The following MKI67 variants were observed in gnomAD, a reference collection of about 807,000 sequenced individuals.
The protein encoded by MKI67 is proliferation marker protein Ki-67.
MKI67 carries 152 observed loss-of-function variants against 233.5 expected under a neutral mutation model. The ratio of observed to expected loss-of-function variants is 0.65; its 90% confidence interval spans 0.57 to 0.74. The LOEUF (loss-of-function observed/expected upper bound fraction) is 0.74. Ranked by LOEUF, MKI67 falls within the 30% of genes least tolerant of loss-of-function variation. MKI67 has a pLI of 0.00. For synonymous variants in MKI67, 1,465 were observed against 1,418.5 expected, an observed-to-expected ratio of 1.03 and a Z score of -0.74; for missense variants, 3,940 against 3,885.2, an observed-to-expected ratio of 1.01 and a Z score of -0.37.
intron 4 of MKI67, among the ~76,000 whole-genome samples, chr10:128,120,083 T>C (rs1202865325): frequency 6.6e-6 from 1 of 151,606 alleles, no homozygotes; most frequent in African/African-American, 2.4e-5. Flanking sequence ...AGTCTCTCTT[T>C]CTAAGATTCA....
chr10:128,125,847 C>G lies in MKI67; in HGVS notation c.-89-91G>C, dbSNP rs867048962. The G allele has an allele frequency of 1.0e-4, 67 of 640,392 alleles. No individual in the cohort carries two copies. In the African/African-American group the frequency reaches 1.1e-3, roughly 10 times the overall value. 39.7% of individuals were successfully genotyped at this position (640,392 alleles called of 1,614,324 possible). A position where few individuals can be genotyped will look rare whatever the true frequency, so the allele number is the denominator to read the frequency against. On this transcript the variant is annotated intron_variant, in intron 1 of 14. Coordinates refer to ENST00000368654, the MANE Select transcript of MKI67 (RefSeq NM_002417.5). The surrounding 1 kb of genome is among the most constrained non-coding windows in gnomAD (Gnocchi z 5.3). The stretch of plus-strand genomic sequence containing the variant: ...CTATCCCCGGCCACAGAAGCGCACA[C>G]CGCAGCTAGCTAGCGGGGACCCCAG...
In MKI67 at chr10:128,121,529, A is replaced by ACATAT. The variant is rs1448363777; in HGVS notation, c.287+1351_287+1352insATATG. 2.4e-4 allele frequency among the ~76,000 whole-genome samples: 4 copies of ACATAT among 16,540 alleles called. No individual in the cohort carries two copies. The African/African-American group carries it at 4.1e-3, about 17-fold the overall frequency. The allele number at this position is 16,540 out of a possible 152,430, so 10.9% of individuals were successfully genotyped here. ...CATATAGTATATACTATATAATATT[A>ACATAT]TATATTATATTATAATTATATATGA... On this transcript the variant is annotated intron_variant, in intron 4 of 14. Transcript: ENST00000368654.
chr10:128,113,604 TA>T lies in MKI67; in HGVS notation c.1481-3del. On this transcript the variant is annotated splice_region_variant and splice_polypyrimidine_tract_variant and intron_variant, in intron 7 of 14. Coordinates refer to ENST00000368654, the MANE Select transcript of MKI67 (RefSeq NM_002417.5). ...TCAAAGGTATTCCCTCACTCTCATC[TA>T]AAGTAACGGATACAAATGTGGAAAG... The T allele has an allele frequency of 6.2e-7, 1 of 1,612,812 alleles. No individual in the cohort carries two copies. Among genetic ancestry groups the T allele is most frequent in the Non-Finnish European group, 8.5e-7 (1 of 1,178,966 alleles).
intron 14 of MKI67, among the ~76,000 whole-genome samples, chr10:128,099,767 A>C (rs1218507834): frequency 6.6e-6 from 1 of 152,186 alleles, no homozygotes; most frequent in East Asian, 1.9e-4. Flanking sequence ...TCTTACTGGA[A>C]AAAATCTATC....
chr10:128,121,445 A>G (rs2136150735), intron 4 of MKI67, among the ~76,000 whole-genome samples: 1 of 140,102 alleles, frequency 7.1e-6, no homozygotes, highest in African/African-American at 2.6e-5. Flanking sequence ...TATACTGTAT[A>G]CAGTATATAC....
At chr10:128,124,097 A>C (rs987692497) in intron 2 of MKI67, among the ~76,000 whole-genome samples, 13 of 152,238 alleles carry the variant, frequency 8.5e-5, no homozygotes, top group Non-Finnish European at 1.2e-4. Context: ...AAAATCTTGC[A>C]TGAAGATATA....
At chr10:128,100,749 T>C (rs974021765) in intron 14 of MKI67, among the ~76,000 whole-genome samples, 1 of 152,082 alleles carries the variant, frequency 6.6e-6, no homozygotes, top group Admixed American at 6.5e-5. Context: ...TGGAGGAGGG[T>C]TGGAGGGCAG....
Position 128,107,270 on chromosome 10 carries a change from A to ATTC in MKI67, c.4567_4569dup (p.Glu1523dup). 6.2e-7 allele frequency: 1 copy of ATTC among 1,613,804 alleles called. No homozygotes were observed. Among genetic ancestry groups the ATTC allele is most frequent in the Non-Finnish European group, 8.5e-7 (1 of 1,179,916 alleles). On this transcript the variant is annotated inframe_insertion, in exon 13 of 15. Coordinates refer to ENST00000368654, the MANE Select transcript of MKI67 (RefSeq NM_002417.5). ...GGTGTTCGTTTCCTGAGTGCGAAGA[A>ATTC]TTCTTCTTCTACGTCCACTTTCCTG...
At chr10:128,119,206 T>C (rs570658096) in intron 5 of MKI67, 47 bp downstream of exon 5, 5 of 1,319,112 alleles carry the variant, frequency 3.8e-6, no homozygotes, top group Non-Finnish European at 5.5e-6. Flanking sequence ...ATAAATGATT[T>C]CATATCATCG....
rs1218589936 is a variant in MKI67 at position 128,125,345 on chromosome 10, T to C, written c.92+231A>G. Among the ~76,000 whole-genome samples, 1 of 152,138 alleles carries C rather than the reference T, an allele frequency of 6.6e-6. No individual in the cohort carries two copies. The highest frequency in any genetic ancestry group is 2.4e-5 in the African/African-American group (1 of 41,430). ...CTTTACCGCAACATTAGCAAATCGA[T>C]TTTTTTAATTGGCTTGATTTTTAAA... is the stretch of plus-strand genomic sequence containing the variant. On this transcript the variant is annotated intron_variant, in intron 2 of 14. Transcript: ENST00000368654. The surrounding 1 kb of genome is among the most constrained non-coding windows in gnomAD (Gnocchi z 5.3).
Position 128,103,558 on chromosome 10 carries a change from T to A in MKI67, c.8282A>T (p.Lys2761Ile). The A allele has an allele frequency of 6.2e-7, 1 of 1,614,024 alleles. No homozygotes were observed. The highest frequency in any genetic ancestry group is 8.5e-7 in the Non-Finnish European group (1 of 1,179,974). ...AGATTCCTTCAATGCTTTGATGCCT[T>A]TATCTTCACCTGCTGGTTCTTTGTC... is the stretch of plus-strand genomic sequence containing the variant. ...DADKEPAGED[K>I]GIKALKESAK... Residue 2761 changes from lysine to isoleucine, a missense_variant, in exon 13 of 15, where the codon AAA becomes ATA. By Grantham distance (102) the Lys-to-Ile change is moderately radical (BLOSUM62 -3). Coordinates refer to ENST00000368654, the MANE Select transcript of MKI67 (RefSeq NM_002417.5).
chr10:128,107,829 C>T lies in MKI67; in HGVS notation c.4011G>A (p.Lys1337=). 1 of 1,613,400 alleles carries T rather than the reference C, an allele frequency of 6.2e-7. No individual in the cohort carries two copies. The highest frequency in any genetic ancestry group is 8.5e-7 in the Non-Finnish European group (1 of 1,179,906). ...GGTCTTCCAGAGCCTGGGCCTCTTC[C>T]TTAGGAGTTTGTGGCCGTCTCTTGC... The part of the protein sequence containing the change: ...TGSKRRPQTP[K]EEAQALEDLT... Residue 1337 remains lysine (K), a synonymous_variant, in exon 13 of 15, where the codon AAG becomes AAA. Coordinates refer to ENST00000368654, the MANE Select transcript of MKI67 (RefSeq NM_002417.5).
chr10:128,125,749 CT>C lies in MKI67; in HGVS notation c.-83del. On this transcript the variant is annotated 5_prime_UTR_variant, in exon 2 of 15. Transcript: ENST00000368654. The surrounding 1 kb of genome is among the most constrained non-coding windows in gnomAD (Gnocchi z 5.3). ...GGGAAGGCCAGAAGCAAATTTACAA[CT>C]CTTCCACTGCAAAAGAGGTGCGAGT... 8.6e-7 allele frequency: 1 copy of C among 1,162,090 alleles called. No homozygotes were observed. The highest frequency in any genetic ancestry group is 1.3e-6 in the Non-Finnish European group (1 of 770,050). 72.0% of individuals were successfully genotyped at this position (1,162,090 alleles called of 1,614,324 possible). A position where few individuals can be genotyped will look rare whatever the true frequency, so the allele number is the denominator to read the frequency against.
Position 128,107,438 on chromosome 10 carries a change from C to G in MKI67, c.4402G>C (p.Ala1468Pro), listed in dbSNP as rs1328170633. The G allele has an allele frequency of 1.9e-6, 3 of 1,613,944 alleles. No individual in the cohort carries two copies. Among genetic ancestry groups the G allele is most frequent in the African/African-American group, 1.3e-5 (1 of 74,944 alleles). The change falls in exon 13 of 15, where the codon GCT (alanine) becomes CCT (proline). Residue 1468 changes from alanine to proline, a missense_variant. Transcript: ENST00000368654. ...KEKAQPLEDL[A>P]GLKELFQTPV... The stretch of plus-strand genomic sequence containing the variant: ...GTCTGGAAGAGCTCTTTCAAGCCAG[C>G]CAGGTCTTCTAGGGGTTGGGCCTTT...
Position 128,111,848 on chromosome 10 carries a change from A to G in MKI67, c.2089-32T>C, listed in dbSNP as rs1426663033. 3.7e-6 allele frequency: 6 copies of G among 1,610,536 alleles called. No homozygotes were observed. The South Asian group carries it at 4.4e-5, about 12-fold the overall frequency. ...AAAACAGGAAGGAGGTAAACAGGACATTAAAGCATAAATCCACACTGAATG... is the reference window on the plus strand; with the variant it reads ...AAAACAGGAAGGAGGTAAACAGGACGTTAAAGCATAAATCCACACTGAATG... On this transcript the variant is annotated intron_variant, in intron 10 of 14. Coordinates refer to ENST00000368654, the MANE Select transcript of MKI67 (RefSeq NM_002417.5).
At chr10:128,101,139 C>T (rs1852324478) in intron 14 of MKI67, 119 bp downstream of exon 14, 1 of 903,578 alleles carries the variant, frequency 1.1e-6, no homozygotes, top group Admixed American at 2.6e-5. Context: ...ATTAATGTAA[C>T]TGGGAGCTGG....
chr10:128,107,453 G>A lies in MKI67; in HGVS notation c.4387C>T (p.Pro1463Ser), dbSNP rs759032520. ...RHPKTKEKAQ[P>S]LEDLAGLKEL... ...TTCAAGCCAGCCAGGTCTTCTAGGGGTTGGGCCTTTTCCTTAGTTTTTGGG... is the reference window on the plus strand; with the variant it reads ...TTCAAGCCAGCCAGGTCTTCTAGGGATTGGGCCTTTTCCTTAGTTTTTGGG... Residue 1463 changes from proline (P) to serine (S), a missense_variant, in exon 13 of 15, where the codon CCC becomes TCC. Coordinates refer to ENST00000368654, the MANE Select transcript of MKI67 (RefSeq NM_002417.5). 1.9e-6 allele frequency: 3 copies of A among 1,613,748 alleles called. No individual in the cohort carries two copies. The highest frequency in any genetic ancestry group is 2.5e-6 in the Non-Finnish European group (3 of 1,179,974).
rs1365137037 is a variant in MKI67, at chr10:128,099,164, A to G, written c.*26T>C. ...AACTTATCACAAAACTAACTTTATT[A>G]TATTTTTCCCAGTTCGATTTTTCTG... On this transcript the variant is annotated 3_prime_UTR_variant, in exon 15 of 15. Coordinates refer to ENST00000368654, the MANE Select transcript of MKI67 (RefSeq NM_002417.5). 1 of 1,572,564 alleles carries G rather than the reference A, an allele frequency of 6.4e-7. No homozygotes were observed. The highest frequency in any genetic ancestry group is 8.7e-7 in the Non-Finnish European group (1 of 1,150,644).
In MKI67 at chr10:128,115,015, C is replaced by G; in HGVS notation, c.1393G>C (p.Glu465Gln). Residue 465 changes from glutamate (E) to glutamine (Q), a missense_variant, in exon 7 of 15, where the codon GAG becomes CAG. Glu to Gln is a conservative substitution (Grantham distance 29, BLOSUM62 2). Coordinates refer to ENST00000368654, the MANE Select transcript of MKI67 (RefSeq NM_002417.5). ...TGTCCAGCTGTAGTGCCCAATTTCT[C>G]AGGCTTGCTGAGGGAATCCTTTTGG... Reference protein sequence around the residue: ...KIQKDSLSKPEKLGTTAGQMC... With the variant: ...KIQKDSLSKPQKLGTTAGQMC... The G allele has an allele frequency of 7.4e-6, 12 of 1,610,962 alleles. No homozygotes were observed. Among genetic ancestry groups the G allele is most frequent in the Non-Finnish European group, 1.0e-5 (12 of 1,177,166 alleles).
Sources: allele counts gnomAD v4.1 joint callset (sites outside exome capture counted in the v4.1 genomes callset), GRCh38; gene constraint gnomAD v4.1.1; non-coding constraint Gnocchi (gnomAD v3.1); transcripts MANE v1.5; gene names NCBI Gene and HGNC (gene_info 2026-07-23, HGNC 2026-07-21).